ZNF85: variants seen among roughly 807,000 people sequenced by gnomAD.
ZNF85 encodes zinc finger protein 85 (HPF4, HTF1).
ZNF85 carries 50 observed loss-of-function variants against 53.9 expected under a neutral mutation model. The ratio of observed to expected loss-of-function variants is 0.93; its 90% CI spans 0.74 to 1.17. The LOEUF (loss-of-function observed/expected upper bound fraction) is 1.17. Among genes scored for constraint, ZNF85 ranks in the 50% most tolerant of loss-of-function variants. The probability of loss-of-function intolerance (pLI) is 0.00; values close to 1 mark genes in which losing one functional copy is unlikely to be tolerated. For synonymous variants in ZNF85, 225 were observed against 226.1 expected (o/e 1.00, Z 0.04); for missense variants, 747 against 688.5 (o/e 1.08, Z -0.95).
intron 1 of ZNF85, among the ~76,000 whole-genome samples, chr19:20,930,697 A>G (rs2358609): frequency 0.79 from 120,518 of 152,192 alleles, 47,961 homozygotes; most frequent in Non-Finnish European, 0.83. Flanking sequence ...GGCTTATTCA[A>G]ACATTGCTGC....
At chr19:20,929,005 T>C (rs67493653) in intron 1 of ZNF85, among the ~76,000 whole-genome samples, 16,038 of 152,130 alleles carry the variant, frequency 0.11, 919 homozygotes, top group South Asian at 0.13. Flanking sequence ...CAAACCAATA[T>C]TTATTCAAAT....
chr19:20,928,037 G>C (rs780977146), intron 1 of ZNF85: 2 of 152,000 alleles, frequency 1.3e-5, no homozygotes, highest in Non-Finnish European at 2.9e-5. Context: ...CTTCTTCTGG[G>C]TTGTATCTTT....
intron 3 of ZNF85, among the ~76,000 whole-genome samples, chr19:20,939,548 C>A (rs1244894849): frequency 6.6e-6 from 1 of 151,598 alleles, no homozygotes; most frequent in Non-Finnish European, 1.5e-5. Context: ...CCACCACTCC[C>A]AGGTAGTGTA....
At chr19:20,947,575 A>G (rs1235380394) in intron 3 of ZNF85, among the ~76,000 whole-genome samples, 4 of 127,000 alleles carry the variant, frequency 3.1e-5, no homozygotes, top group Non-Finnish European at 1.6e-5. Flanking sequence ...CAAAATTTTC[A>G]TGACAAATTT....
At chr19:20,939,029 C>A (rs73927842) in intron 3 of ZNF85, among the ~76,000 whole-genome samples, 18,345 of 151,984 alleles carry the variant, frequency 0.12, 1,276 homozygotes, top group Middle Eastern at 0.17. Context: ...TAAAAAGTTT[C>A]TCATTACAAT....
In ZNF85 at chr19:20,923,321, G is replaced by C. The variant is rs1972799379; in HGVS notation, c.-80G>C. On this transcript the variant is annotated 5_prime_UTR_variant, in exon 1 of 4. Transcript: ENST00000328178. ...TGCTTTGTGTTTTCTGCTCGTGGAC[G>C]CCCAGCCTCTGTGGCCCTGTGGCCT... 6.2e-7 allele frequency: 1 copy of C among 1,605,626 alleles called. No individual in the cohort carries two copies. Among genetic ancestry groups the C allele is most frequent in the Non-Finnish European group, 8.5e-7 (1 of 1,173,130 alleles).
At chr19:20,938,355 T>G (rs1398546057) in intron 3 of ZNF85, among the ~76,000 whole-genome samples, 3 of 152,166 alleles carry the variant, frequency 2.0e-5, no homozygotes, top group African/African-American at 7.2e-5. Context: ...CATGAGCCAC[T>G]GCATTTGTCC....
At chr19:20,928,377 T>C (rs1455453464) in intron 1 of ZNF85, 1 of 152,320 alleles carries the variant, frequency 6.6e-6, no homozygotes, top group Non-Finnish European at 1.5e-5. Context: ...TCTGGGTGTC[T>C]GGGAAGGGGA....
At chr19:20,943,217 A>G (rs1973340734) in intron 3 of ZNF85, 1 of 204,862 alleles carries the variant, frequency 4.9e-6, no homozygotes, top group African/African-American at 2.3e-5. Flanking sequence ...GATGTGGTTT[A>G]GATGTTCGTG....
intron 1 of ZNF85, among the ~76,000 whole-genome samples, chr19:20,931,620 CTTTTTTTTTT>C (rs1156835317): frequency 1.7e-5 from 2 of 119,468 alleles, no homozygotes; most frequent in Admixed American, 9.0e-5. Flanking sequence ...TTTTCTTTTT[CTTTTTTTTTT>C]TTTTTTTTTG....
intron 1 of ZNF85, among the ~76,000 whole-genome samples, chr19:20,932,830 A>G (rs939457370): frequency 8.6e-5 from 13 of 151,896 alleles, no homozygotes; most frequent in African/African-American, 2.7e-4. Flanking sequence ...AATTCAGACT[A>G]TAGTTTGGAG....
At chr19:20,944,540 A>G (rs1236740756) in intron 3 of ZNF85, among the ~76,000 whole-genome samples, 2 of 148,968 alleles carry the variant, frequency 1.3e-5, no homozygotes, top group Non-Finnish European at 3.0e-5. Flanking sequence ...CATATTTTCA[A>G]GTAGTATTGG....
At chr19:20,931,678 G>T (rs557463307) in intron 1 of ZNF85, among the ~76,000 whole-genome samples, 1 of 145,648 alleles carries the variant, frequency 6.9e-6, no homozygotes, top group South Asian at 2.2e-4. Context: ...TGCAATCTCG[G>T]CTTACTGCAA....
chr19:20,923,581 G>T (rs1972809355), intron 1 of ZNF85, among the ~76,000 whole-genome samples, 178 bp downstream of exon 1: 1 of 152,140 alleles, frequency 6.6e-6, no homozygotes, highest in Non-Finnish European at 1.5e-5. Context: ...GCTGACAGCC[G>T]GCCCGGGCGT....
At chr19:20,935,421 T>C (rs1005775281) in intron 3 of ZNF85, among the ~76,000 whole-genome samples, 4 of 152,218 alleles carry the variant, frequency 2.6e-5, no homozygotes, top group Admixed American at 1.3e-4. Context: ...TTTTGCATCA[T>C]GTTTGAAATA....
intron 3 of ZNF85, among the ~76,000 whole-genome samples, chr19:20,944,609 G>T (rs1431438185): frequency 1.3e-5 from 2 of 150,222 alleles, no homozygotes. Context: ...AAATCTTCAA[G>T]TAACCTCTGT....
chr19:20,942,718 A>T (rs11672995), intron 3 of ZNF85: 1 of 609,722 alleles, frequency 1.6e-6, no homozygotes, highest in South Asian at 1.8e-5. Flanking sequence ...AGTTGCATTC[A>T]GTTTTGGTCA....
At position 20,949,920 on chromosome 19, in the gene ZNF85, TTAC is replaced by T. The variant is rs1973533832; in HGVS notation, c.1409_1411del (p.Thr470del). On this transcript the variant is annotated inframe_deletion, in exon 4 of 4. Coordinates refer to ENST00000328178, the MANE Select transcript of ZNF85 (RefSeq NM_003429.5). Reference sequence around the variant, plus strand: ...AAAGCTTTTAACCAGTCCTCAAATCTTACTAGACATAAGAAAAGTCATACAGAA... The same window carrying T: ...AAAGCTTTTAACCAGTCCTCAAATCTTAGACATAAGAAAAGTCATACAGAA... 1 of 1,612,094 alleles carries T rather than the reference TTAC, an allele frequency of 6.2e-7. No homozygotes were observed. The highest frequency in any genetic ancestry group is 8.5e-7 in the Non-Finnish European group (1 of 1,179,120).
Position 20,933,074 on chromosome 19 carries a change from C to T in ZNF85, c.4-950C>T, listed in dbSNP as rs200854875. Reference sequence around the variant, plus strand: ...CGGGCATGGTGGTGGGCACCTGTGGCCCCAGCTACTTGGGAGGCTGAGGCG... The same window carrying T: ...CGGGCATGGTGGTGGGCACCTGTGGTCCCAGCTACTTGGGAGGCTGAGGCG... On this transcript the variant is annotated intron_variant, in intron 1 of 3. Coordinates refer to ENST00000328178, the MANE Select transcript of ZNF85 (RefSeq NM_003429.5). Among the ~76,000 whole-genome samples the T allele has an allele frequency of 2.0e-4, 30 of 151,660 alleles. No homozygotes were observed. In the East Asian group the frequency reaches 5.4e-3, roughly 27 times the overall value.
Sources: gnomAD v4.1 joint callset for allele counts (sites outside exome capture counted in the v4.1 genomes callset) on GRCh38, gnomAD v4.1.1 for gene constraint, MANE v1.5 for transcripts, NCBI Gene and HGNC (gene_info 2026-07-23, HGNC 2026-07-21) for gene names.